PPP1R14C: variants seen among roughly 807,000 people sequenced by gnomAD.
PPP1R14C encodes the protein protein phosphatase 1 regulatory inhibitor subunit 14C.
In PPP1R14C, 16 loss-of-function variants were observed where a neutral mutation model predicts 20.4. That is an observed-to-expected ratio of 0.78 (90% CI 0.53 to 1.19). The LOEUF (loss-of-function observed/expected upper bound fraction) is 1.19. Ranked by LOEUF, PPP1R14C falls within the 50% of genes most tolerant of loss-of-function variation. The pLI, the probability that PPP1R14C is intolerant of heterozygous loss-of-function variation, is 0.00. For synonymous variants in PPP1R14C, 91 were observed against 91.0 expected (o/e 1.00, Z 0.00); for missense variants, 211 against 220.1 (o/e 0.96, Z 0.26).
At chr6:150,184,128 A>G (rs1309079959) in intron 1 of PPP1R14C, among the ~76,000 whole-genome samples, 1 of 152,208 alleles carries the variant, frequency 6.6e-6, no homozygotes, top group East Asian at 1.9e-4. Context: ...GTTCCTTAGC[A>G]ACTAATTTGC....
rs1554221585 is a variant in PPP1R14C at position 150,236,638 on chromosome 6, T to TGC, written c.424-12104_424-12103dup. Among the ~76,000 whole-genome samples, 270 of 142,156 alleles carry TGC rather than the reference T, an allele frequency of 1.9e-3. 1 individual carries two copies. Among genetic ancestry groups the TGC allele is most frequent in the African/African-American group, 6.2e-3 (251 of 40,480 alleles). 93.3% of individuals were successfully genotyped at this position (142,156 alleles called of 152,430 possible). A position where few individuals can be genotyped will look rare whatever the true frequency, so the allele number is the denominator to read the frequency against. On this transcript the variant is annotated intron_variant, in intron 3 of 3. Transcript: ENST00000361131. ...CTGTGTGTGTGTGTGTGTGTGTGTGTGCGCGTGTGTGTGTTTAGCCAGGAG... is the reference window on the plus strand; with the variant it reads ...CTGTGTGTGTGTGTGTGTGTGTGTGTGCGCGCGTGTGTGTGTTTAGCCAGGAG...
chr6:150,208,957 C>G (rs1224208615), intron 1 of PPP1R14C, among the ~76,000 whole-genome samples: 1 of 152,060 alleles, frequency 6.6e-6, no homozygotes, highest in Non-Finnish European at 1.5e-5. Context: ...TCACATAGTC[C>G]CAAGGATTCA....
chr6:150,236,641 G>A lies in PPP1R14C; in HGVS notation c.424-12105G>A, dbSNP rs576220031. On this transcript the variant is annotated intron_variant, in intron 3 of 3. Transcript: ENST00000361131. Reference sequence around the variant, plus strand: ...TGTGTGTGTGTGTGTGTGTGTGTGCGCGTGTGTGTGTTTAGCCAGGAGGGA... The same window carrying A: ...TGTGTGTGTGTGTGTGTGTGTGTGCACGTGTGTGTGTTTAGCCAGGAGGGA... 3.7e-4 allele frequency among the ~76,000 whole-genome samples: 55 copies of A among 150,382 alleles called. 1 individual carries two copies. Among genetic ancestry groups the A allele is most frequent in the Admixed American group, 1.1e-3 (16 of 15,104 alleles).
chr6:150,242,331 A>G (rs1175667230), intron 3 of PPP1R14C, among the ~76,000 whole-genome samples: 1 of 152,282 alleles, frequency 6.6e-6, no homozygotes, highest in African/African-American at 2.4e-5. Context: ...AAAGAAATGT[A>G]CAGACAAGTA....
At chr6:150,234,412 C>CA (rs149575512) in intron 3 of PPP1R14C, among the ~76,000 whole-genome samples, 12 of 151,432 alleles carry the variant, frequency 7.9e-5, no homozygotes, top group African/African-American at 1.2e-4. Flanking sequence ...AAACAAACAA[C>CA]AAAAAAAAGA....
intron 1 of PPP1R14C, among the ~76,000 whole-genome samples, chr6:150,145,219 G>A (rs1777168732): frequency 6.6e-6 from 1 of 152,140 alleles, no homozygotes; most frequent in Non-Finnish European, 1.5e-5. Flanking sequence ...TTTCCTGTGT[G>A]GAACATGTAG....
chr6:150,226,133 T>G (rs1778227757), intron 3 of PPP1R14C, among the ~76,000 whole-genome samples: 1 of 152,154 alleles, frequency 6.6e-6, no homozygotes, highest in Non-Finnish European at 1.5e-5. Context: ...TGATTCATAT[T>G]CAGTCTGCGG....
intron 1 of PPP1R14C, among the ~76,000 whole-genome samples, chr6:150,204,789 G>T (rs558455828): frequency 6.6e-6 from 1 of 152,242 alleles, no homozygotes; most frequent in South Asian, 2.1e-4. Flanking sequence ...ACACCACTTG[G>T]CCCCTACCCA....
chr6:150,174,015 T>G (rs1335998450), intron 1 of PPP1R14C, among the ~76,000 whole-genome samples: 1 of 92,736 alleles, frequency 1.1e-5, no homozygotes, highest in Non-Finnish European at 2.3e-5. Context: ...CACCTCTCCC[T>G]CCCCCCCACC....
At chr6:150,228,724 T>A (rs1778258356) in intron 3 of PPP1R14C, among the ~76,000 whole-genome samples, 1 of 152,066 alleles carries the variant, frequency 6.6e-6, no homozygotes, top group Non-Finnish European at 1.5e-5. Context: ...AGGCAGATAT[T>A]CTAAGGGCTT....
chr6:150,238,513 G>T (rs1157397861), intron 3 of PPP1R14C, among the ~76,000 whole-genome samples: 2 of 152,380 alleles, frequency 1.3e-5, no homozygotes, highest in East Asian at 3.9e-4. Flanking sequence ...CCAGTCTTTG[G>T]CTGTGGGAGG....
intron 1 of PPP1R14C, among the ~76,000 whole-genome samples, chr6:150,204,704 C>G (rs538260191): frequency 6.6e-6 from 1 of 152,322 alleles, no homozygotes; most frequent in East Asian, 1.9e-4. Flanking sequence ...TGCCCCAGCT[C>G]TCACGGGTTG....
At chr6:150,183,614 C>T (rs1054381010) in intron 1 of PPP1R14C, among the ~76,000 whole-genome samples, 4 of 151,878 alleles carry the variant, frequency 2.6e-5, no homozygotes, top group African/African-American at 9.7e-5. Flanking sequence ...CGAGTTTAAG[C>T]GATTCTCCTG....
chr6:150,185,711 A>G lies in PPP1R14C; in HGVS notation c.307-29033A>G, dbSNP rs1212546780. Among the ~76,000 whole-genome samples the G allele has an allele frequency of 6.6e-6, 1 of 152,106 alleles. No individual in the cohort carries two copies. The highest frequency in any genetic ancestry group is 2.4e-5 in the African/African-American group (1 of 41,402). On this transcript the variant is annotated intron_variant, in intron 1 of 3. Coordinates refer to ENST00000361131, the MANE Select transcript of PPP1R14C (RefSeq NM_030949.3). This position sits in a 1 kb window ranked among gnomAD's most constrained non-coding sequence, Gnocchi z 4.1. ...TGTGTCGGTGAGGATAGGCGAGGCT[A>G]TGTTACACTCAGGAGTGACCCAAAC... is the stretch of plus-strand genomic sequence containing the variant.
Position 150,232,359 on chromosome 6 carries a change from T to C in PPP1R14C, c.423+15503T>C, listed in dbSNP as rs944877452. Among the ~76,000 whole-genome samples the C allele has an allele frequency of 5.3e-5, 8 of 152,368 alleles. No individual in the cohort carries two copies. In the East Asian group the frequency reaches 1.5e-3, roughly 29 times the overall value. On this transcript the variant is annotated intron_variant, in intron 3 of 3. Coordinates refer to ENST00000361131, the MANE Select transcript of PPP1R14C (RefSeq NM_030949.3). ...CTTGATATAGGTTGCAAAGTTATTT[T>C]CCCAAACTGTGGAGCTTATTTTCAC...
chr6:150,160,938 C>T lies in PPP1R14C; in HGVS notation c.306+17440C>T, dbSNP rs534667374. 1.6e-4 allele frequency among the ~76,000 whole-genome samples: 25 copies of T among 152,134 alleles called. 1 individual carries two copies. In the South Asian group the frequency reaches 5.0e-3, roughly 30 times the overall value. On this transcript the variant is annotated intron_variant, in intron 1 of 3. Coordinates refer to ENST00000361131, the MANE Select transcript of PPP1R14C (RefSeq NM_030949.3). The stretch of plus-strand genomic sequence containing the variant: ...TTTCCTGCCCCAGATTCAGAGTCAG[C>T]CATTTCTCCAAGGAACGCTGATTCC...
chr6:150,236,185 C>A (rs1276157435), intron 3 of PPP1R14C, among the ~76,000 whole-genome samples: 1 of 152,084 alleles, frequency 6.6e-6, no homozygotes, highest in African/African-American at 2.4e-5. Flanking sequence ...CCGCTAAACC[C>A]TTGTGAGCCT....
chr6:150,169,855 T>C (rs776385876), intron 1 of PPP1R14C, among the ~76,000 whole-genome samples: 32 of 152,240 alleles, frequency 2.1e-4, no homozygotes, highest in Non-Finnish European at 4.4e-4. Flanking sequence ...GGGGAATTAA[T>C]TGATGTGGCA....
At chr6:150,236,643 G>A (rs7749005) in intron 3 of PPP1R14C, among the ~76,000 whole-genome samples, 16,848 of 149,790 alleles carry the variant, frequency 0.11, 1,462 homozygotes, top group African/African-American at 0.23. Context: ...GTGTGTGCGC[G>A]TGTGTGTGTT....
Sources: gnomAD v4.1 joint callset for allele counts (sites outside exome capture counted in the v4.1 genomes callset) on GRCh38, gnomAD v4.1.1 for gene constraint, Gnocchi (gnomAD v3.1) non-coding constraint, MANE v1.5 for transcripts, NCBI Gene and HGNC (gene_info 2026-07-23, HGNC 2026-07-21) for gene names.